Variants in METTL15 observed in about 807,000 individuals in gnomAD.
METTL15 encodes methyltransferase 15, mitochondrial 12S rRNA N4-cytidine.
METTL15 carries 34 observed loss-of-function variants against 38.3 expected under a neutral mutation model. The observed-to-expected ratio is 0.89, with a 90% confidence interval of 0.68 to 1.18. The LOEUF is 1.18. METTL15 is among the 50% of genes most tolerant of loss of function. The probability of loss-of-function intolerance (pLI) is 0.00; values close to 1 mark genes in which losing one functional copy is unlikely to be tolerated. For missense variants in METTL15, 438 were observed against 498.4 expected, an observed-to-expected ratio of 0.88 and a Z score of 1.15; for synonymous variants, 162 against 170.9, an observed-to-expected ratio of 0.95 and a Z score of 0.41.
intron 3 of METTL15, among the ~76,000 whole-genome samples, chr11:28,157,741 C>T (rs964271916): frequency 6.6e-6 from 1 of 152,134 alleles, no homozygotes; most frequent in Non-Finnish European, 1.5e-5. Flanking sequence ...AAGTAATTTA[C>T]ATGAGGAAGT....
At chr11:28,266,911 G>T (rs1855444224) in intron 4 of METTL15, among the ~76,000 whole-genome samples, 1 of 152,132 alleles carries the variant, frequency 6.6e-6, no homozygotes, top group Admixed American at 6.5e-5. Flanking sequence ...TATAATCCCA[G>T]CACTTTGGGA....
intron 3 of METTL15, among the ~76,000 whole-genome samples, chr11:28,150,826 C>G (rs1027330182): frequency 6.6e-6 from 1 of 151,566 alleles, no homozygotes; most frequent in African/African-American, 2.4e-5. Context: ...CAAAGGTATT[C>G]TCAGGAGGTA....
chr11:28,208,892 T>G (rs1466729614), intron 3 of METTL15, among the ~76,000 whole-genome samples: 1 of 152,044 alleles, frequency 6.6e-6, no homozygotes, highest in African/African-American at 2.4e-5. Flanking sequence ...ACAATGAATA[T>G]TAGAATTGTA....
At chr11:28,429,511 G>A in intron 6 of METTL15, among the ~76,000 whole-genome samples, 1 of 126,164 alleles carries the variant, frequency 7.9e-6, no homozygotes, top group Non-Finnish European at 1.7e-5. Flanking sequence ...GCGATTGCAG[G>A]CACGCGCCGC....
intron 5 of METTL15, among the ~76,000 whole-genome samples, chr11:28,404,827 C>T (rs1321761875): frequency 1.3e-5 from 2 of 151,986 alleles, no homozygotes; most frequent in African/African-American, 4.8e-5. Context: ...GACAGAGGCG[C>T]ATTTATTTTT....
At chr11:28,316,333 C>T (rs922219633) in intron 6 of METTL15, among the ~76,000 whole-genome samples, 2 of 152,136 alleles carry the variant, frequency 1.3e-5, no homozygotes, top group African/African-American at 2.4e-5. Flanking sequence ...TACTGGATTT[C>T]GGATTTTCAT....
At chr11:28,287,400 G>A in intron 4 of METTL15, 1 of 380,432 alleles carries the variant, frequency 2.6e-6, no homozygotes, top group Non-Finnish European at 5.2e-6. Context: ...AAATCTGGGG[G>A]CTGATCACTC....
At chr11:28,195,863 G>T (rs890658250) in intron 3 of METTL15, among the ~76,000 whole-genome samples, 4 of 151,888 alleles carry the variant, frequency 2.6e-5, no homozygotes, top group Non-Finnish European at 5.9e-5. Flanking sequence ...TAAGTCTTCA[G>T]TCTGTCTTGA....
intron 4 of METTL15, among the ~76,000 whole-genome samples, chr11:28,250,855 T>A (rs1422574179): frequency 1.3e-5 from 2 of 152,048 alleles, no homozygotes; most frequent in Admixed American, 6.6e-5. Context: ...TAATAAAATA[T>A]ATCAGGTCAA....
At chr11:28,491,118 G>T (rs963528537) in intron 6 of METTL15, among the ~76,000 whole-genome samples, 2 of 152,102 alleles carry the variant, frequency 1.3e-5, no homozygotes, top group Non-Finnish European at 2.9e-5. Flanking sequence ...ATACCCATAG[G>T]CAAGACAGCT....
In METTL15 at chr11:28,330,879, A is replaced by G; in HGVS notation, c.*38A>G. The G allele has an allele frequency of 2.1e-6, 3 of 1,455,536 alleles. No individual in the cohort carries two copies. Among genetic ancestry groups the G allele is most frequent in the South Asian group, 2.8e-5 (2 of 71,470 alleles). The allele number at this position is 1,455,536 out of a possible 1,614,324, so 90.2% of individuals were successfully genotyped here. A position where few individuals can be genotyped will look rare whatever the true frequency, so the allele number is the denominator to read the frequency against. Reference sequence around the variant, plus strand: ...TTATTCTTCAAATTTTTTTCTCACAATTTCTCTAATCTTTACTCATGTTAT... The same window carrying G: ...TTATTCTTCAAATTTTTTTCTCACAGTTTCTCTAATCTTTACTCATGTTAT... On this transcript the variant is annotated 3_prime_UTR_variant, in exon 7 of 7. Coordinates refer to ENST00000407364, the MANE Select transcript of METTL15 (RefSeq NM_001113528.2).
chr11:28,132,161 G>A (rs1426163026), intron 3 of METTL15, among the ~76,000 whole-genome samples: 2 of 152,112 alleles, frequency 1.3e-5, no homozygotes, highest in Admixed American at 6.6e-5. Flanking sequence ...AGCATTAATT[G>A]TTATGCTTCT....
chr11:28,295,567 T>A (rs1054500621), intron 5 of METTL15, among the ~76,000 whole-genome samples: 3 of 150,588 alleles, frequency 2.0e-5, no homozygotes, highest in African/African-American at 4.9e-5. Context: ...GCCTTTGTAC[T>A]CCAGCCTGGG....
At chr11:28,219,722 A>G (rs1298340118) in intron 4 of METTL15, among the ~76,000 whole-genome samples, 1 of 150,682 alleles carries the variant, frequency 6.6e-6, no homozygotes, top group African/African-American at 2.4e-5. Flanking sequence ...CCCTCTACAC[A>G]CTGCTTTAAA....
At chr11:28,451,228 G>C (rs1197349762) in intron 6 of METTL15, among the ~76,000 whole-genome samples, 1 of 152,012 alleles carries the variant, frequency 6.6e-6, no homozygotes, top group Non-Finnish European at 1.5e-5. Flanking sequence ...GGGTACTTCA[G>C]CTTACACTGC....
intron 3 of METTL15, among the ~76,000 whole-genome samples, chr11:28,348,891 C>G (rs749683619): frequency 6.6e-6 from 1 of 152,116 alleles, no homozygotes; most frequent in Non-Finnish European, 1.5e-5. Flanking sequence ...TATTTCCTTT[C>G]TTTCTATTAT....
intron 6 of METTL15, among the ~76,000 whole-genome samples, chr11:28,321,787 G>A (rs554245856): frequency 2.0e-5 from 3 of 152,016 alleles, no homozygotes; most frequent in Admixed American, 2.0e-4. Flanking sequence ...TGCCCCACCT[G>A]ATAGCAAAAC....
Position 28,469,460 on chromosome 11 carries a change from C to T in METTL15, c.*424+45096C>T, listed in dbSNP as rs1851285248. Among the ~76,000 whole-genome samples the T allele has an allele frequency of 3.9e-5, 6 of 151,966 alleles. No individual in the cohort carries two copies. In the South Asian group the frequency reaches 1.2e-3, roughly 32 times the overall value. ...TTTCTCTTAGTAAATTTCAAGTATG[C>T]AATATATTATTACTAATTGTAGTCA... is the stretch of plus-strand genomic sequence containing the variant. On this transcript the variant is annotated intron_variant and NMD_transcript_variant, in intron 6 of 7. Coordinates refer to the METTL15 transcript ENST00000532947.
rs763790654 is a variant in METTL15, at chr11:28,215,490, G to A, written c.407+4292G>A. ...AAAGAGGTGGTCAGAAGGTAACTTT[G>A]CTTCTAAGTCTGCTTCTTAGGCCTT... On this transcript the variant is annotated intron_variant, in intron 4 of 6. Transcript: ENST00000407364. Among the ~76,000 whole-genome samples, 4 of 152,028 alleles carry A rather than the reference G, an allele frequency of 2.6e-5. No individual in the cohort carries two copies. In the South Asian group the frequency reaches 6.2e-4, roughly 24 times the overall value.
Sources: allele counts gnomAD v4.1 joint callset (sites outside exome capture counted in the v4.1 genomes callset), GRCh38; gene constraint gnomAD v4.1.1; transcripts MANE v1.5; gene names NCBI Gene and HGNC (gene_info 2026-07-23, HGNC 2026-07-21).